Variants in MYOM2 observed in about 807,000 individuals in gnomAD.
MYOM2 encodes the protein myomesin-2.
Under a neutral mutation model 187.6 loss-of-function variants are expected in MYOM2, and 254 were observed. The ratio of observed to expected loss-of-function variants is 1.35; its 90% CI spans 1.22 to 1.50. MYOM2 has a LOEUF of 1.50. Ranked by LOEUF, MYOM2 falls within the 40% of genes most tolerant of loss-of-function variation. The pLI is 0.00. For missense variants in MYOM2, 2,796 were observed against 1,924.0 expected, an observed-to-expected ratio of 1.45 and a Z score of -8.48; for synonymous variants, 981 against 753.8, an observed-to-expected ratio of 1.30 and a Z score of -4.94.
chr8:2,052,121 G>C, intron 2 of MYOM2, 37 bp from the exon 3 acceptor site: 1 of 1,611,408 alleles, frequency 6.2e-7, no homozygotes, highest in Non-Finnish European at 8.5e-7. Flanking sequence ...TACTGTGCCT[G>C]AGCATGCATC....
chr8:2,065,502 G>A (rs1481926880), intron 6 of MYOM2, among the ~76,000 whole-genome samples: 6 of 152,228 alleles, frequency 3.9e-5, no homozygotes, highest in East Asian at 3.9e-4. Flanking sequence ...CCTGGGAAGC[G>A]GAGGTTTCAG....
chr8:2,119,157 G>A (rs1034687390), intron 28 of MYOM2: 1 of 152,364 alleles, frequency 6.6e-6, no homozygotes, highest in Non-Finnish European at 1.5e-5. Flanking sequence ...TGGCAGCAAT[G>A]GGAAAGTCAT....
chr8:2,139,983 T>C (rs1798218590), intron 32 of MYOM2, among the ~76,000 whole-genome samples: 1 of 152,138 alleles, frequency 6.6e-6, no homozygotes, highest in Non-Finnish European at 1.5e-5. Flanking sequence ...GTTAAGTACA[T>C]TCACATCATC....
At chr8:2,071,799 G>A (rs767966508) in intron 8 of MYOM2, among the ~76,000 whole-genome samples, 5 of 152,140 alleles carry the variant, frequency 3.3e-5, no homozygotes, top group Non-Finnish European at 7.4e-5. Context: ...CATGGCTTCT[G>A]GTGAGGAGCC....
intron 10 of MYOM2, among the ~76,000 whole-genome samples, chr8:2,074,928 C>T (rs535514348): frequency 6.6e-5 from 10 of 152,308 alleles, no homozygotes; most frequent in Non-Finnish European, 1.0e-4. Context: ...TCCGGGTCCC[C>T]GGGCTCCCGG....
chr8:2,108,320 A>G (rs1195336974), intron 23 of MYOM2, among the ~76,000 whole-genome samples: 2 of 150,070 alleles, frequency 1.3e-5, no homozygotes, highest in Admixed American at 1.3e-4. Flanking sequence ...GTAATACACT[A>G]TAGTGATGAA....
chr8:2,116,820 C>CA (rs1232635541), intron 27 of MYOM2, among the ~76,000 whole-genome samples: 4 of 152,070 alleles, frequency 2.6e-5, no homozygotes, highest in African/African-American at 9.7e-5. Flanking sequence ...TGCGGTGATG[C>CA]CATCTTGGCT....
At chr8:2,092,204 T>C in intron 15 of MYOM2, 142 bp from the exon 16 acceptor site, 1 of 995,612 alleles carries the variant, frequency 1.0e-6, no homozygotes, top group African/African-American at 1.6e-5. Context: ...GCTCCTCTCC[T>C]ACTCCTGGAC....
intron 11 of MYOM2, 40 bp downstream of exon 11, chr8:2,076,322 C>T: frequency 6.2e-7 from 1 of 1,603,428 alleles, no homozygotes; most frequent in Non-Finnish European, 8.5e-7. Flanking sequence ...GAACGTTCCG[C>T]ATGGAATCTT....
intron 13 of MYOM2, among the ~76,000 whole-genome samples, chr8:2,084,835 C>T (rs1389508473): frequency 2.0e-5 from 3 of 152,176 alleles, no homozygotes; most frequent in African/African-American, 7.2e-5. Context: ...AAAGAAAGAA[C>T]CCAGAGGGGA....
chr8:2,143,260 C>T (rs2280904), intron 35 of MYOM2, 141 bp from the exon 36 acceptor site: 689,244 of 944,072 alleles, frequency 0.73, 253,176 homozygotes, highest in African/African-American at 0.9. Context: ...AACATATAAA[C>T]CTTTTTCTTT....
At chr8:2,102,552 T>TCCCTCCTTTTCTAACTCATTAAGTATC in intron 20 of MYOM2, 115 bp from the exon 21 acceptor site, 1 of 621,216 alleles carries the variant, frequency 1.6e-6, no homozygotes, top group Non-Finnish European at 2.8e-6. Flanking sequence ...ATCATTTTCC[T>TCCCTCCTTTTCTAACTCATTAAGTATC]AACTGGAAAA....
chr8:2,068,679 C>G (rs143233554), intron 6 of MYOM2, among the ~76,000 whole-genome samples: 7 of 152,356 alleles, frequency 4.6e-5, no homozygotes, highest in African/African-American at 1.7e-4. Flanking sequence ...GCTCAAGCTC[C>G]CGGACCACCT....
intron 5 of MYOM2, 131 bp downstream of exon 5, chr8:2,057,911 A>C: frequency 1.2e-6 from 1 of 863,172 alleles, no homozygotes; most frequent in Admixed American, 3.4e-5. Flanking sequence ...AAGCAGAAAT[A>C]TGTTTATAGA....
chr8:2,073,294 TG>T, intron 9 of MYOM2, 44 bp from the exon 10 acceptor site: 3 of 1,575,340 alleles, frequency 1.9e-6, no homozygotes, highest in South Asian at 1.2e-5. Context: ...CTTTGCCTGC[TG>T]GGGTGATTTT....
intron 27 of MYOM2, among the ~76,000 whole-genome samples, chr8:2,116,797 G>A (rs998342315): frequency 6.6e-6 from 1 of 152,054 alleles, no homozygotes; most frequent in Non-Finnish European, 1.5e-5. Flanking sequence ...TTGCTCTGTT[G>A]CCCAGGCTGG....
chr8:2,145,132 G>A lies in MYOM2; in HGVS notation c.*151G>A. 5 of 829,700 alleles carry A rather than the reference G, an allele frequency of 6.0e-6. No individual in the cohort carries two copies. The highest frequency in any genetic ancestry group is 9.3e-6 in the Non-Finnish European group (5 of 535,298). The allele number at this position is 829,700 out of a possible 1,614,324, so 51.4% of individuals were successfully genotyped here. ...TGTGCTTTTGATTTTTGCATTTGGT[G>A]ATGAATATTTTATACCCGTCTAAGG... is the stretch of plus-strand genomic sequence containing the variant. On this transcript the variant is annotated 3_prime_UTR_variant, in exon 37 of 37. Transcript: ENST00000262113.
chr8:2,052,918 A>T (rs1818540569), intron 3 of MYOM2, among the ~76,000 whole-genome samples: 1 of 152,226 alleles, frequency 6.6e-6, no homozygotes, highest in South Asian at 2.1e-4. Context: ...TCGTGGGGTG[A>T]AATGTCATGG....
chr8:2,060,903 G>C (rs1585832791), intron 6 of MYOM2, among the ~76,000 whole-genome samples: 1 of 152,144 alleles, frequency 6.6e-6, no homozygotes, highest in East Asian at 1.9e-4. Context: ...AGTACAGCAG[G>C]AAAGTGGGAG....
Sources: allele counts gnomAD v4.1 joint callset (sites outside exome capture counted in the v4.1 genomes callset), GRCh38; gene constraint gnomAD v4.1.1; transcripts MANE v1.5; gene names NCBI Gene and HGNC (gene_info 2026-07-23, HGNC 2026-07-21).